The following ARHGEF11 variants were observed in gnomAD, a reference collection of about 807,000 sequenced individuals.
The protein encoded by ARHGEF11 is Rho guanine nucleotide exchange factor 11, also known as Rho guanine exchange factor (GEF) 11.
A neutral mutation model predicts 193.7 loss-of-function variants in ARHGEF11; 55 were observed. The observed-to-expected ratio is 0.28, with a 90% confidence interval of 0.23 to 0.36. The LOEUF is 0.36. Ranked by LOEUF, ARHGEF11 falls within the 10% of genes least tolerant of loss-of-function variation. ARHGEF11 has a pLI of 1.00. For missense variants in ARHGEF11, 1,723 were observed against 2,005.6 expected (o/e 0.86, Z 2.69); for synonymous variants, 693 against 768.0 (o/e 0.90, Z 1.62).
Position 156,948,648 on chromosome 1 carries a change from T to C in ARHGEF11, c.1926-150A>G, listed in dbSNP as rs1353878953. On this transcript the variant is annotated intron_variant, in intron 22 of 40. Transcript: ENST00000368194. This position sits in a 1 kb window ranked among gnomAD's most constrained non-coding sequence, Gnocchi z 4.2. ...CATGGCCAAAGCAGCTGGATGGCAG[T>C]GGAAGCTTCTCAATGACAGACTATT... 6.4e-7 allele frequency: 1 copy of C among 1,559,320 alleles called. No homozygotes were observed. Among genetic ancestry groups the C allele is most frequent in the Non-Finnish European group, 8.6e-7 (1 of 1,157,372 alleles).
In ARHGEF11 at chr1:157,012,036, T is replaced by C. The variant is rs73012645; in HGVS notation, c.33-25863A>G. Among the ~76,000 whole-genome samples, 1,465 of 152,274 alleles carry C rather than the reference T, an allele frequency of 9.6e-3. 16 individuals are homozygous for C. Among genetic ancestry groups the C allele is most frequent in the African/African-American group, 0.028 (1,146 of 41,544 alleles). On this transcript the variant is annotated intron_variant, in intron 1 of 40. Transcript: ENST00000368194. Reference sequence around the variant, plus strand: ...ACAAAAACTTGTACATGAAGGTTCATAGTAGCAGTATTTACAAAAGCCAAA... The same window carrying C: ...ACAAAAACTTGTACATGAAGGTTCACAGTAGCAGTATTTACAAAAGCCAAA...
At chr1:156,994,759 C>G (rs1666244214) in intron 1 of ARHGEF11, among the ~76,000 whole-genome samples, 1 of 152,188 alleles carries the variant, frequency 6.6e-6, no homozygotes, top group Non-Finnish European at 1.5e-5. Flanking sequence ...CAAGCTCAGG[C>G]TCAGCCCTTT....
chr1:156,987,697 G>T (rs1249758961), intron 1 of ARHGEF11, among the ~76,000 whole-genome samples: 1 of 152,110 alleles, frequency 6.6e-6, no homozygotes, highest in Non-Finnish European at 1.5e-5. Context: ...CCTCACAATG[G>T]CACCCCTCTT....
At chr1:157,020,447 A>T (rs1301359048) in intron 1 of ARHGEF11, among the ~76,000 whole-genome samples, 1 of 152,224 alleles carries the variant, frequency 6.6e-6, no homozygotes, top group Non-Finnish European at 1.5e-5. Context: ...GTCCCAAAAC[A>T]TTCTGTTTAT....
intron 33 of ARHGEF11, 151 bp downstream of exon 33, chr1:156,942,539 T>G (rs1657240851): frequency 3.0e-6 from 2 of 657,936 alleles, no homozygotes; most frequent in Admixed American, 5.6e-5. Flanking sequence ...CCAGCTTCTC[T>G]ACTTCTGTCC....
chr1:156,967,800 A>C (rs1424083138), intron 11 of ARHGEF11, 187 bp downstream of exon 11: 2 of 726,074 alleles, frequency 2.8e-6, no homozygotes, highest in South Asian at 3.7e-5. Flanking sequence ...CCTTACTTTC[A>C]TATCTCTATT....
rs566649093 is a variant in ARHGEF11, at chr1:157,028,024, G to T, written c.32+16275C>A. On this transcript the variant is annotated intron_variant, in intron 1 of 40. Transcript: ENST00000368194. ...TGCCAGAGTGAAGAAGTCTCTGGAA[G>T]CCCAGCCCTATCCCTATATGACTAC... Among the ~76,000 whole-genome samples, 3 of 152,314 alleles carry T rather than the reference G, an allele frequency of 2.0e-5. No homozygotes were observed. In the South Asian group the frequency reaches 6.2e-4, roughly 32 times the overall value.
chr1:157,024,994 A>G (rs1337637386), intron 1 of ARHGEF11, among the ~76,000 whole-genome samples: 1 of 152,208 alleles, frequency 6.6e-6, no homozygotes, highest in Non-Finnish European at 1.5e-5. Context: ...TTTTTTGAAC[A>G]CATACCTCAT....
At chr1:157,040,113 T>C (rs1164598785) in intron 1 of ARHGEF11, among the ~76,000 whole-genome samples, 1 of 152,248 alleles carries the variant, frequency 6.6e-6, no homozygotes. Context: ...AAGTTAAGCT[T>C]AGTCTGCTCC....
intron 39 of ARHGEF11, 87 bp from the exon 40 acceptor site, chr1:156,937,092 G>A (rs1655569349): frequency 6.4e-7 from 1 of 1,568,424 alleles, no homozygotes; most frequent in Admixed American, 1.8e-5. Flanking sequence ...CCTTGGGGAG[G>A]AGGGTGTGAT....
Position 156,946,780 on chromosome 1 carries a change from C to A in ARHGEF11, c.2576G>T (p.Gly859Val), listed in dbSNP as rs1161480523. The A allele has an allele frequency of 6.2e-7, 1 of 1,614,050 alleles. No homozygotes were observed. The highest frequency in any genetic ancestry group is 1.3e-5 in the African/African-American group (1 of 74,916). Residue 859 changes from glycine to valine, a missense_variant, in exon 28 of 41, where the codon GGC becomes GTC. Physicochemically the swap from Gly to Val is moderately radical, Grantham distance 109 (BLOSUM62 -3). This residue lies in a region of ARHGEF11 where 491 missense variants were observed against 654.5 expected (regional missense o/e 0.75). Transcript: ENST00000368194. Reference protein sequence around the residue: ...ISDLMLARFDGPAREELQQVA... With the variant: ...ISDLMLARFDVPAREELQQVA... The stretch of plus-strand genomic sequence containing the variant: ...TTGCTGGAGTTCCTCTCGGGCAGGG[C>A]CATCAAACTGAAGAGGCAGAATGGA...
intron 12 of ARHGEF11, 92 bp downstream of exon 12, chr1:156,963,428 T>C (rs1424367607): frequency 1.3e-6 from 2 of 1,520,836 alleles, no homozygotes; most frequent in Non-Finnish European, 1.8e-6. Flanking sequence ...TCAAGTTCCC[T>C]TCACAGCTGA....
At chr1:156,985,103 C>A (rs959826608) in intron 2 of ARHGEF11, among the ~76,000 whole-genome samples, 1 of 152,056 alleles carries the variant, frequency 6.6e-6, no homozygotes, top group Non-Finnish European at 1.5e-5. Context: ...TGAGTGTATA[C>A]TAGACATCGT....
At chr1:156,997,236 G>C (rs993947165) in intron 1 of ARHGEF11, among the ~76,000 whole-genome samples, 2 of 152,154 alleles carry the variant, frequency 1.3e-5, no homozygotes, top group Middle Eastern at 3.4e-3. Flanking sequence ...TCACACAGCT[G>C]CTGTGAGAAT....
chr1:156,948,459 G>C lies in ARHGEF11; in HGVS notation c.1965C>G (p.Leu655=), dbSNP rs1197583438. ...SEIRLGRSES[L]KGREEMKRSR... ...ACCGTTTCATCTCTTCCCGGCCCTT[G>C]AGGCTTTCAGAGCGGCCCAGGCGAA... Residue 655 remains leucine (L), a synonymous_variant, in exon 23 of 41, where the codon CTC becomes CTG. Transcript: ENST00000368194. This position sits in a 1 kb window ranked among gnomAD's most constrained non-coding sequence, Gnocchi z 4.2. 2 of 1,614,232 alleles carry C rather than the reference G, an allele frequency of 1.2e-6. No individual in the cohort carries two copies. The highest frequency in any genetic ancestry group is 3.3e-5 in the Admixed American group (2 of 60,026).
At chr1:156,949,644 C>G (rs945083681) in intron 22 of ARHGEF11, among the ~76,000 whole-genome samples, 1 of 152,122 alleles carries the variant, frequency 6.6e-6, no homozygotes, top group African/African-American at 2.4e-5. Flanking sequence ...TGTGTTAGAA[C>G]AATCCCAACC....
rs567488551 is a variant in ARHGEF11, at chr1:157,013,259, T to TCA, written c.33-27088_33-27087dup. Among the ~76,000 whole-genome samples, 893 of 109,534 alleles carry TCA rather than the reference T, an allele frequency of 8.2e-3. 26 individuals carry two copies. Among genetic ancestry groups the TCA allele is most frequent in the African/African-American group, 0.017 (490 of 28,484 alleles). 71.9% of individuals were successfully genotyped at this position (109,534 alleles called of 152,430 possible). A position where few individuals can be genotyped will look rare whatever the true frequency, so the allele number is the denominator to read the frequency against. ...CCCAACTGCTCATAACTCCCCACTA[T>TCA]CACTCACACACACACACACACACAC... On this transcript the variant is annotated intron_variant, in intron 1 of 40. Transcript: ENST00000368194.
At chr1:157,036,488 A>C (rs1030108130) in intron 1 of ARHGEF11, among the ~76,000 whole-genome samples, 2 of 151,892 alleles carry the variant, frequency 1.3e-5, no homozygotes, top group South Asian at 2.1e-4. Flanking sequence ...CATCAGGCTA[A>C]TTTTTGTATC....
At chr1:156,978,456 C>T in intron 5 of ARHGEF11, 74 bp from the exon 6 acceptor site, 2 of 1,498,134 alleles carry the variant, frequency 1.3e-6, no homozygotes, top group Non-Finnish European at 1.8e-6. Context: ...CAGGAGGGGG[C>T]TGTTCTCCCT....
Sources: gnomAD v4.1 joint callset for allele counts (sites outside exome capture counted in the v4.1 genomes callset) on GRCh38, gnomAD v4.1.1 for gene constraint, gnomAD v4.1.1 regional missense constraint, Gnocchi (gnomAD v3.1) non-coding constraint, MANE v1.5 for transcripts, NCBI Gene and HGNC (gene_info 2026-07-23, HGNC 2026-07-21) for gene names.